Variants in GLG1 observed in about 807,000 individuals in gnomAD.
The protein encoded by GLG1 is golgi glycoprotein 1.
GLG1 carries 38 observed loss-of-function variants against 160.5 expected under a neutral mutation model. The observed-to-expected ratio is 0.24, with a 90% CI of 0.18 to 0.31. The LOEUF (loss-of-function observed/expected upper bound fraction) is 0.31, where lower values mean the gene tolerates loss of function less well. GLG1 is among the 10% of genes least tolerant of loss of function. The pLI is 1.00. For missense variants in GLG1, 1,373 were observed against 1,505.2 expected (o/e 0.91, Z 1.45); for synonymous variants, 644 against 543.4 (o/e 1.19, Z -2.57).
Position 74,484,981 on chromosome 16 carries a change from A to G in GLG1, c.1571+815T>C, listed in dbSNP as rs568089265. 2.0e-5 allele frequency among the ~76,000 whole-genome samples: 3 copies of G among 152,024 alleles called. No homozygotes were observed. In the East Asian group the frequency reaches 5.8e-4, roughly 29 times the overall value. On this transcript the variant is annotated intron_variant, in intron 9 of 25. Coordinates refer to ENST00000422840, the MANE Select transcript of GLG1 (RefSeq NM_001145667.2). ...TGGGCTGGAGTGCAGTGGTATGATC[A>G]TAACTCACTGTAACCTTGAACTCCT...
chr16:74,521,579 AT>A (rs1347736676), intron 2 of GLG1, among the ~76,000 whole-genome samples: 1 of 152,130 alleles, frequency 6.6e-6, no homozygotes, highest in African/African-American at 2.4e-5. Flanking sequence ...ACTAGTGGGG[AT>A]GGGGAAGACT....
At chr16:74,540,892 A>C (rs2017844313) in intron 1 of GLG1, among the ~76,000 whole-genome samples, 1 of 152,240 alleles carries the variant, frequency 6.6e-6, no homozygotes, top group Non-Finnish European at 1.5e-5. Flanking sequence ...CAGCTGCCTG[A>C]ATAAAGTCAG....
In GLG1 at chr16:74,451,897, T is replaced by C. The variant is rs1279909112; in HGVS notation, c.*1270A>G. The C allele has an allele frequency of 3.3e-6, 2 of 611,182 alleles. No individual in the cohort carries two copies. The highest frequency in any genetic ancestry group is 3.7e-5 in the African/African-American group (2 of 53,968). 37.9% of individuals were successfully genotyped at this position (611,182 alleles called of 1,614,324 possible). On this transcript the variant is annotated 3_prime_UTR_variant, in exon 26 of 26. Coordinates refer to ENST00000422840, the MANE Select transcript of GLG1 (RefSeq NM_001145667.2). Reference sequence around the variant, plus strand: ...TGATGAATCGCCAAAATACAACATTTAGCCAATGCCTACTAGAGTGGGTAC... The same window carrying C: ...TGATGAATCGCCAAAATACAACATTCAGCCAATGCCTACTAGAGTGGGTAC...
At chr16:74,528,984 T>TG (rs35353531) in intron 2 of GLG1, among the ~76,000 whole-genome samples, 19 of 150,562 alleles carry the variant, frequency 1.3e-4, no homozygotes, top group Middle Eastern at 6.8e-3. Flanking sequence ...TTTTTTTTTT[T>TG]GAGACAGAAT....
At position 74,496,529 on chromosome 16, in the gene GLG1, C is replaced by T. The variant is rs2016194021; in HGVS notation, c.890G>A (p.Arg297Gln). ...GTCATCCGATGACAGCTCAGCCACCCGGAGAATGGCTTTCTTGCAGAGTTC... is the reference window on the plus strand; with the variant it reads ...GTCATCCGATGACAGCTCAGCCACCTGGAGAATGGCTTTCTTGCAGAGTTC... Reference protein sequence around the residue: ...VSELCKKAILRVAELSSDDFH... With the variant: ...VSELCKKAILQVAELSSDDFH... The change falls in exon 5 of 26, where the codon CGG (arginine) becomes CAG (glutamine). Residue 297 changes from arginine to glutamine, a missense_variant. This residue lies in a region of GLG1 where 174 missense variants were observed against 229.9 expected (regional missense o/e 0.76). Transcript: ENST00000422840. 1.9e-6 allele frequency: 3 copies of T among 1,613,868 alleles called. No homozygotes were observed. Among genetic ancestry groups the T allele is most frequent in the Non-Finnish European group, 2.5e-6 (3 of 1,179,812 alleles).
chr16:74,471,906 G>GT (rs1475352033), intron 14 of GLG1, among the ~76,000 whole-genome samples: 6 of 20,828 alleles, frequency 2.9e-4, no homozygotes, highest in African/African-American at 9.7e-4. Flanking sequence ...TCTCGATCTT[G>GT]TTTACTTTTT....
At chr16:74,604,270 C>T (rs189753783) in intron 1 of GLG1, among the ~76,000 whole-genome samples, 1 of 152,278 alleles carries the variant, frequency 6.6e-6, no homozygotes, top group Non-Finnish European at 1.5e-5. Flanking sequence ...ATGCCAAGTA[C>T]TACAGTGAAT....
chr16:74,597,442 A>G (rs1357810920), intron 1 of GLG1, among the ~76,000 whole-genome samples: 2 of 151,298 alleles, frequency 1.3e-5, no homozygotes, highest in South Asian at 2.1e-4. Context: ...AAAAAAAAAA[A>G]AAAGAAAGAA....
At chr16:74,489,733 G>GT (rs2143366972) in intron 8 of GLG1, among the ~76,000 whole-genome samples, 1 of 152,270 alleles carries the variant, frequency 6.6e-6, no homozygotes, top group South Asian at 2.1e-4. Context: ...ACATTTGTCT[G>GT]TTTTCCCACC....
At chr16:74,459,962 T>C (rs1262878538) in intron 22 of GLG1, among the ~76,000 whole-genome samples, 173 bp from the exon 23 acceptor site, 1 of 151,678 alleles carries the variant, frequency 6.6e-6, no homozygotes, top group African/African-American at 2.4e-5. Flanking sequence ...TTCAAGTGAT[T>C]CTCCTGCCTC....
In GLG1 at chr16:74,508,488, T is replaced by C. The variant is rs533061142; in HGVS notation, c.558+351A>G. Among the ~76,000 whole-genome samples, 120 of 152,298 alleles carry C rather than the reference T, an allele frequency of 7.9e-4. 3 individuals are homozygous for C. The highest frequency in any genetic ancestry group is 2.9e-3 in the South Asian group (14 of 4,826). ...CTGTGGGTCAATTGATCCAGCTGCA[T>C]AGCCAAAACAGGAATGCTGACAGAC... On this transcript the variant is annotated intron_variant, in intron 3 of 25. Transcript: ENST00000422840.
chr16:74,450,161 T>C lies in GLG1; in HGVS notation c.*3006A>G, dbSNP rs2014231692. The C allele has an allele frequency of 1.3e-5, 2 of 152,314 alleles. No individual in the cohort carries two copies. Among genetic ancestry groups the C allele is most frequent in the South Asian group, 4.1e-4 (2 of 4,836 alleles). 9.4% of individuals were successfully genotyped at this position (152,314 alleles called of 1,614,324 possible). On this transcript the variant is annotated 3_prime_UTR_variant, in exon 26 of 26. Transcript: ENST00000422840. Reference sequence around the variant, plus strand: ...TTAGCAAGTACCTGAAGCCTTAGCCTTGGCAAAACCCCCTACCCTCTACTT... The same window carrying C: ...TTAGCAAGTACCTGAAGCCTTAGCCCTGGCAAAACCCCCTACCCTCTACTT...
Position 74,452,748 on chromosome 16 carries a change from A to G in GLG1, c.*419T>C, listed in dbSNP as rs2014369559. ...ACAGTCATATGAAAGACATAACCCCATTGCCCAAATCAAGCCTGGAGGAGA... is the reference window on the plus strand; with the variant it reads ...ACAGTCATATGAAAGACATAACCCCGTTGCCCAAATCAAGCCTGGAGGAGA... On this transcript the variant is annotated 3_prime_UTR_variant, in exon 26 of 26. Coordinates refer to ENST00000422840, the MANE Select transcript of GLG1 (RefSeq NM_001145667.2). 9 of 992,032 alleles carry G rather than the reference A, an allele frequency of 9.1e-6. No homozygotes were observed. The highest frequency in any genetic ancestry group is 9.6e-6 in the Non-Finnish European group (8 of 833,974). The allele number at this position is 992,032 out of a possible 1,614,324, so 61.5% of individuals were successfully genotyped here.
At chr16:74,569,766 A>G (rs1332261994) in intron 1 of GLG1, among the ~76,000 whole-genome samples, 1 of 151,496 alleles carries the variant, frequency 6.6e-6, no homozygotes, top group Non-Finnish European at 1.5e-5. Context: ...GGGAGGCTGA[A>G]GCAGGAGAAT....
At chr16:74,511,060 G>C (rs74628375) in intron 2 of GLG1, among the ~76,000 whole-genome samples, 1 of 152,116 alleles carries the variant, frequency 6.6e-6, no homozygotes, top group African/African-American at 2.4e-5. Context: ...AGGACTGACC[G>C]AGGAGCCTCA....
intron 1 of GLG1, among the ~76,000 whole-genome samples, chr16:74,543,659 T>C (rs143618975): frequency 0.012 from 1,766 of 152,316 alleles, 14 homozygotes; most frequent in Non-Finnish European, 0.018. Flanking sequence ...TATTATAGTT[T>C]GGGAAATACT....
rs967640602 is a variant in GLG1 at position 74,526,076 on chromosome 16, C to T, written c.471+6045G>A. ...TATTCAGGCTGGCCAGATACCCAAA[C>T]AATTTTCCGAGAGAGAAGTATCAAT... On this transcript the variant is annotated intron_variant, in intron 2 of 25. Transcript: ENST00000422840. Among the ~76,000 whole-genome samples, 28 of 152,164 alleles carry T rather than the reference C, an allele frequency of 1.8e-4. 1 individual carries two copies. The highest frequency in any genetic ancestry group is 3.4e-4 in the Non-Finnish European group (23 of 68,030).
chr16:74,468,850 A>G, intron 17 of GLG1, 96 bp downstream of exon 17: 2 of 759,292 alleles, frequency 2.6e-6, no homozygotes. Context: ...CCATCACAGT[A>G]GTGGATAAAA....
At chr16:74,462,358 C>T (rs1490080970) in intron 21 of GLG1, 130 bp downstream of exon 21, 2 of 892,134 alleles carry the variant, frequency 2.2e-6, no homozygotes, top group South Asian at 1.6e-5. Flanking sequence ...GGCCCCTTAG[C>T]CCCCCAGGTT....
Sources: gnomAD v4.1 joint callset for allele counts (sites outside exome capture counted in the v4.1 genomes callset) on GRCh38, gnomAD v4.1.1 for gene constraint, gnomAD v4.1.1 regional missense constraint, MANE v1.5 for transcripts, NCBI Gene and HGNC (gene_info 2026-07-23, HGNC 2026-07-21) for gene names.